Variants in MAJIN observed in about 807,000 individuals in gnomAD.
MAJIN encodes membrane anchored junction protein.
A neutral mutation model predicts 30.2 loss-of-function variants in MAJIN; 27 were observed. That is an observed-to-expected ratio of 0.89 (90% confidence interval 0.66 to 1.23). The LOEUF is 1.23. Among genes scored for constraint, MAJIN ranks in the 50% most tolerant of loss-of-function variants. The probability of loss-of-function intolerance (pLI) is 0.00; values close to 1 mark genes in which losing one functional copy is unlikely to be tolerated. For missense variants in MAJIN, 253 were observed against 260.3 expected (o/e 0.97, Z 0.19); for synonymous variants, 78 against 91.6 (o/e 0.85, Z 0.85).
intron 1 of MAJIN, among the ~76,000 whole-genome samples, chr11:64,965,425 CTTAAG>C (rs940603383): frequency 9.9e-5 from 15 of 152,172 alleles, no homozygotes; most frequent in Non-Finnish European, 4.4e-5. Context: ...AAATTAACCT[CTTAAG>C]TTAACTTAGT....
intron 4 of MAJIN, among the ~76,000 whole-genome samples, chr11:64,953,669 T>C (rs1945589354): frequency 6.6e-6 from 1 of 152,156 alleles, no homozygotes; most frequent in Non-Finnish European, 1.5e-5. Flanking sequence ...TGCACATCGG[T>C]AGTCCCAGCT....
intron 3 of MAJIN, among the ~76,000 whole-genome samples, chr11:64,956,772 T>TG (rs1378107198): frequency 1.8e-4 from 26 of 147,834 alleles, no homozygotes; most frequent in Admixed American, 1.5e-3. Flanking sequence ...TGTTTTTTTT[T>TG]TTTTTTTTTT....
In MAJIN at chr11:64,949,801, G is replaced by A. The variant is rs868451871; in HGVS notation, c.291C>T (p.Tyr97=). The change falls in exon 6 of 11, where the codon TAC becomes TAT. Residue 97 remains tyrosine, a synonymous_variant. Transcript: ENST00000301896. ...CCACATATAGAGTAAAAACAAATGG[G>A]TAGGGGATCAAGATAATTTCCCCAT... The part of the protein sequence containing the change: ...FKHGEIILIP[Y]PFVFTLYVEM... 6.2e-7 allele frequency: 1 copy of A among 1,611,828 alleles called. No homozygotes were observed. Among genetic ancestry groups the A allele is most frequent in the Non-Finnish European group, 8.5e-7 (1 of 1,179,548 alleles).
At chr11:64,964,477 T>C (rs1386504526) in intron 1 of MAJIN, among the ~76,000 whole-genome samples, 1 of 152,182 alleles carries the variant, frequency 6.6e-6, no homozygotes, top group Non-Finnish European at 1.5e-5. Context: ...GCACACACGT[T>C]TTTCATTACA....
At chr11:64,963,849 A>C (rs1945765402) in intron 1 of MAJIN, among the ~76,000 whole-genome samples, 1 of 152,126 alleles carries the variant, frequency 6.6e-6, no homozygotes, top group Admixed American at 6.6e-5. Context: ...AAGACCATTA[A>C]TGAGTGTGGG....
intron 1 of MAJIN, among the ~76,000 whole-genome samples, chr11:64,960,487 G>A (rs1176409305): frequency 1.3e-5 from 2 of 152,088 alleles, no homozygotes; most frequent in African/African-American, 2.4e-5. Flanking sequence ...GAGGCACTGA[G>A]GAATGAATTA....
chr11:64,971,006 G>A (rs1290419969), intron 1 of MAJIN, among the ~76,000 whole-genome samples: 1 of 152,176 alleles, frequency 6.6e-6, no homozygotes, highest in African/African-American at 2.4e-5. Context: ...GTAAGAAGGT[G>A]GGGTGTGGCC....
At chr11:64,940,735 T>C (rs1945361792) in intron 8 of MAJIN, 89 bp from the exon 9 acceptor site, 1 of 1,185,996 alleles carries the variant, frequency 8.4e-7, no homozygotes, top group African/African-American at 1.5e-5. Flanking sequence ...ACTGATTTCA[T>C]ATCAGCACTG....
chr11:64,970,156 GA>G (rs1249570683), intron 1 of MAJIN, among the ~76,000 whole-genome samples: 1 of 151,672 alleles, frequency 6.6e-6, no homozygotes, highest in Admixed American at 6.6e-5. Flanking sequence ...CTGAGGTCAG[GA>G]GTTCGAGACC....
Position 64,959,350 on chromosome 11 carries a change from C to T in MAJIN, c.56G>A (p.Gly19Glu), listed in dbSNP as rs755933994. The change falls in exon 3 of 11, where the codon GGA becomes GAA. Residue 19 changes from glycine to glutamate, a missense_variant. Coordinates refer to ENST00000301896, the MANE Select transcript of MAJIN (RefSeq NM_001037225.3). ...GATTTTGAATTTATACACATTGGGTCCTGCATGAAGAAACCTCGTCTCTGG... is the reference window on the plus strand; with the variant it reads ...GATTTTGAATTTATACACATTGGGTTCTGCATGAAGAAACCTCGTCTCTGG... ...PFPETRFLHAGPNVYKFKIRY... is the reference protein window; with the variant it reads ...PFPETRFLHAEPNVYKFKIRY... 4 of 1,613,968 alleles carry T rather than the reference C, an allele frequency of 2.5e-6. No individual in the cohort carries two copies. The highest frequency in any genetic ancestry group is 4.5e-5 in the East Asian group (2 of 44,872).
intron 8 of MAJIN, among the ~76,000 whole-genome samples, 189 bp from the exon 9 acceptor site, chr11:64,940,835 CT>C (rs1168979344): frequency 7.1e-4 from 63 of 88,564 alleles, no homozygotes; most frequent in South Asian, 3.7e-3. Flanking sequence ...TTTTTTCTTT[CT>C]TTTTTTTTTT....
chr11:64,960,255 T>C (rs1221563927), intron 1 of MAJIN, 120 bp from the exon 2 acceptor site: 4 of 152,238 alleles, frequency 2.6e-5, no homozygotes, highest in Non-Finnish European at 5.9e-5. Flanking sequence ...TTACATGGTA[T>C]TGGTTTCAGA....
chr11:64,947,569 A>T, intron 7 of MAJIN, 104 bp from the exon 8 acceptor site: 1 of 1,187,414 alleles, frequency 8.4e-7, no homozygotes, highest in Non-Finnish European at 1.2e-6. Flanking sequence ...GCCAAAGGCA[A>T]CTTTTAACAC....
intron 5 of MAJIN, 58 bp from the exon 6 acceptor site, chr11:64,949,926 T>C: frequency 6.4e-7 from 1 of 1,573,888 alleles, no homozygotes. Flanking sequence ...TAAGTACTAT[T>C]TTAGGGATGA....
At chr11:64,949,935 G>A in intron 5 of MAJIN, 67 bp from the exon 6 acceptor site, 2 of 1,560,694 alleles carry the variant, frequency 1.3e-6, no homozygotes, top group African/African-American at 1.3e-5. Flanking sequence ...TTTTAGGGAT[G>A]AGACTCTCTC....
At chr11:64,956,448 C>T (rs151230490) in intron 3 of MAJIN, among the ~76,000 whole-genome samples, 1 of 152,128 alleles carries the variant, frequency 6.6e-6, no homozygotes, top group African/African-American at 2.4e-5. Flanking sequence ...AAGATCGCAC[C>T]ATTGCACTCC....
intron 1 of MAJIN, among the ~76,000 whole-genome samples, chr11:64,963,229 A>G (rs563304894): frequency 8.5e-5 from 13 of 152,346 alleles, no homozygotes; most frequent in Admixed American, 6.5e-4. Context: ...TTTAATCCCA[A>G]TGCAAAATCT....
rs756988889 is a variant in MAJIN at position 64,939,660 on chromosome 11, A to T, written c.*1+2T>A. On this transcript the variant is annotated splice_donor_variant, in intron 10 of 10. Transcript: ENST00000301896. LOFTEE classifies it low-confidence loss of function (3UTR_SPLICE). ...TCTGATGCCGGACAGAAGCTGTCTT[A>T]CCTTAGAAACCCAAAGAAGCCGGTG... 4.3e-6 allele frequency: 7 copies of T among 1,613,246 alleles called. No homozygotes were observed. The highest frequency in any genetic ancestry group is 1.3e-5 in the African/African-American group (1 of 75,010).
intron 8 of MAJIN, among the ~76,000 whole-genome samples, chr11:64,944,753 G>A (rs1402499028): frequency 1.3e-5 from 2 of 152,214 alleles, no homozygotes; most frequent in African/African-American, 2.4e-5. Context: ...AAGAAAGTGA[G>A]TTGTTTGTGT....
Sources: allele counts gnomAD v4.1 joint callset (sites outside exome capture counted in the v4.1 genomes callset), GRCh38; gene constraint gnomAD v4.1.1; transcripts MANE v1.5; gene names NCBI Gene and HGNC (gene_info 2026-07-23, HGNC 2026-07-21).